The following GRIK2 variants were observed in gnomAD, a reference collection of about 807,000 sequenced individuals.
GRIK2 encodes glutamate receptor ionotropic, kainate 2.
Under a neutral mutation model 100.3 loss-of-function variants are expected in GRIK2, and 32 were observed. That is an observed-to-expected ratio of 0.32 (90% CI 0.24 to 0.43). GRIK2 has a LOEUF of 0.43. GRIK2 is among the 20% of genes least tolerant of loss of function. GRIK2 has a pLI of 1.00. For synonymous variants in GRIK2, 417 were observed against 389.4 expected (o/e 1.07, Z -0.83); for missense variants, 843 against 1,114.9 (o/e 0.76, Z 3.47).
intron 14 of GRIK2, among the ~76,000 whole-genome samples, chr6:102,028,709 A>T (rs1483555010): frequency 6.9e-6 from 1 of 144,142 alleles, no homozygotes; most frequent in East Asian, 2.1e-4. Context: ...AACTATAAGG[A>T]TAATAATTAA....
chr6:101,493,607 A>G lies in GRIK2; in HGVS notation c.115+94215A>G, dbSNP rs566101397. On this transcript the variant is annotated intron_variant, in intron 2 of 16. Coordinates refer to ENST00000369134, the MANE Select transcript of GRIK2 (RefSeq NM_021956.5). The stretch of plus-strand genomic sequence containing the variant: ...ATAAATCATCACTAAATAAGCTTTT[A>G]ATAAATGTAATTTAGGAGGAAAAAA... Among the ~76,000 whole-genome samples, 6 of 152,138 alleles carry G rather than the reference A, an allele frequency of 3.9e-5. No individual in the cohort carries two copies. In the South Asian group the frequency reaches 1.2e-3, roughly 32 times the overall value.
At chr6:101,967,664 T>C (rs906862063) in intron 14 of GRIK2, among the ~76,000 whole-genome samples, 1 of 152,086 alleles carries the variant, frequency 6.6e-6, no homozygotes, top group Non-Finnish European at 1.5e-5. Flanking sequence ...TCAGGTGTTT[T>C]CCTTCCCAGT....
chr6:101,843,953 A>G (rs1783663687), intron 10 of GRIK2, among the ~76,000 whole-genome samples: 1 of 152,142 alleles, frequency 6.6e-6, no homozygotes, highest in South Asian at 2.1e-4. Flanking sequence ...TTAAGAGTAG[A>G]TATCATATCT....
At chr6:102,041,160 T>G (rs1770548567) in intron 15 of GRIK2, among the ~76,000 whole-genome samples, 1 of 151,574 alleles carries the variant, frequency 6.6e-6, no homozygotes, top group South Asian at 2.1e-4. Context: ...TCTAGGAGGC[T>G]TCAACAGGGA....
intron 13 of GRIK2, among the ~76,000 whole-genome samples, chr6:101,927,572 A>G (rs1331324184): frequency 6.6e-6 from 1 of 152,124 alleles, no homozygotes; most frequent in Non-Finnish European, 1.5e-5. Flanking sequence ...TAACAGACCA[A>G]ATTTTAAATT....
At chr6:101,782,776 G>A (rs1051356822) in intron 7 of GRIK2, among the ~76,000 whole-genome samples, 1 of 151,664 alleles carries the variant, frequency 6.6e-6, no homozygotes, top group Non-Finnish European at 1.5e-5. Context: ...TATTGAGTGA[G>A]CACCATGCTA....
chr6:102,005,335 G>T (rs1048900867), intron 14 of GRIK2, among the ~76,000 whole-genome samples: 3 of 151,838 alleles, frequency 2.0e-5, no homozygotes, highest in African/African-American at 7.2e-5. Context: ...TATAAGTTGT[G>T]ATCTTTATTT....
intron 2 of GRIK2, among the ~76,000 whole-genome samples, chr6:101,524,719 T>G (rs1393414505): frequency 5.2e-5 from 1 of 19,376 alleles, no homozygotes; most frequent in Non-Finnish European, 8.4e-5. Flanking sequence ...TGCATGTTCG[T>G]TTTTTTTTTT....
intron 7 of GRIK2, among the ~76,000 whole-genome samples, chr6:101,739,588 T>A (rs1649573588): frequency 6.6e-6 from 1 of 152,218 alleles, no homozygotes; most frequent in Admixed American, 6.5e-5. Flanking sequence ...TTGTTTTTAA[T>A]GAAGAAATGA....
intron 7 of GRIK2, among the ~76,000 whole-genome samples, chr6:101,774,640 A>C (rs1778626975): frequency 6.6e-6 from 1 of 152,200 alleles, no homozygotes; most frequent in Non-Finnish European, 1.5e-5. Flanking sequence ...ACATTAGTTA[A>C]ATGGAACTTT....
chr6:102,038,803 C>A (rs1043870056), intron 15 of GRIK2, among the ~76,000 whole-genome samples: 2 of 151,266 alleles, frequency 1.3e-5, no homozygotes, highest in African/African-American at 4.8e-5. Flanking sequence ...CAGAAGTTCC[C>A]CAGGCTTTTT....
At chr6:101,743,924 G>A (rs1366755963) in intron 7 of GRIK2, among the ~76,000 whole-genome samples, 1 of 151,968 alleles carries the variant, frequency 6.6e-6, no homozygotes, top group Non-Finnish European at 1.5e-5. Context: ...TACCTGAGAA[G>A]TGTACACTGT....
At chr6:101,725,350 A>T (rs1008289963) in intron 7 of GRIK2, among the ~76,000 whole-genome samples, 3 of 152,038 alleles carry the variant, frequency 2.0e-5, no homozygotes, top group Non-Finnish European at 4.4e-5. Context: ...TTAATTATAG[A>T]GTCCTCTCTA....
Position 101,876,496 on chromosome 6 carries a change from C to G in GRIK2, c.1525-13144C>G, listed in dbSNP as rs914855804. 8.6e-5 allele frequency among the ~76,000 whole-genome samples: 13 copies of G among 151,556 alleles called. No individual in the cohort carries two copies. The East Asian group carries it at 9.7e-4, about 11-fold the overall frequency. On this transcript the variant is annotated intron_variant, in intron 11 of 16. Coordinates refer to ENST00000369134, the MANE Select transcript of GRIK2 (RefSeq NM_021956.5). ...GAAAACAAAAACAAACACACACACA[C>G]ACACACACACACACACACACACAAA...
At chr6:101,681,773 T>C (rs1771273672) in intron 5 of GRIK2, among the ~76,000 whole-genome samples, 1 of 152,196 alleles carries the variant, frequency 6.6e-6, no homozygotes, top group Non-Finnish European at 1.5e-5. Context: ...CTGAGAATAA[T>C]TGTTTCCTAC....
chr6:101,413,968 G>A (rs1775996301), intron 2 of GRIK2, among the ~76,000 whole-genome samples: 1 of 152,052 alleles, frequency 6.6e-6, no homozygotes, highest in Non-Finnish European at 1.5e-5. Flanking sequence ...TTTAACAAAT[G>A]TTTAACTGCT....
At position 101,459,401 on chromosome 6, in the gene GRIK2, G is replaced by T. The variant is rs1398551500; in HGVS notation, c.115+60009G>T. On this transcript the variant is annotated intron_variant, in intron 2 of 16. Coordinates refer to ENST00000369134, the MANE Select transcript of GRIK2 (RefSeq NM_021956.5). ...TATAAGGCACAAATATATTTGCCAT[G>T]CATCTTAAGGAAATCCATCATAATA... 2.0e-5 allele frequency among the ~76,000 whole-genome samples: 3 copies of T among 152,108 alleles called. No individual in the cohort carries two copies. In the East Asian group the frequency reaches 5.8e-4, roughly 29 times the overall value.
At chr6:101,662,694 G>T (rs1178588451) in intron 4 of GRIK2, among the ~76,000 whole-genome samples, 2 of 151,888 alleles carry the variant, frequency 1.3e-5, no homozygotes, top group Non-Finnish European at 2.9e-5. Context: ...ACCCATCCTT[G>T]TCCACTTGCT....
chr6:101,814,114 C>T (rs764748573), intron 9 of GRIK2, among the ~76,000 whole-genome samples: 1 of 151,966 alleles, frequency 6.6e-6, no homozygotes, highest in African/African-American at 2.4e-5. Context: ...CAAACAGAAG[C>T]TGATAATACA....
Sources: gnomAD v4.1 joint callset for allele counts (sites outside exome capture counted in the v4.1 genomes callset) on GRCh38, gnomAD v4.1.1 for gene constraint, MANE v1.5 for transcripts, NCBI Gene and HGNC (gene_info 2026-07-23, HGNC 2026-07-21) for gene names.